The following CLUH variants were observed in gnomAD, a reference collection of about 807,000 sequenced individuals.
CLUH encodes CLUH binding protein of NUMT mRNA.
Under a neutral mutation model 139.3 loss-of-function variants are expected in CLUH, and 77 were observed. The observed-to-expected ratio is 0.55, with a 90% CI of 0.46 to 0.67. The LOEUF (loss-of-function observed/expected upper bound fraction) is 0.67. Ranked by LOEUF, CLUH falls within the 30% of genes least tolerant of loss-of-function variation. The probability of loss-of-function intolerance (pLI) is 0.00; values close to 1 mark genes in which losing one functional copy is unlikely to be tolerated. For synonymous variants in CLUH, 999 were observed against 801.6 expected, an observed-to-expected ratio of 1.25 and a Z score of -4.16; for missense variants, 1,876 against 1,875.8, an observed-to-expected ratio of 1.00 and a Z score of 0.00.
chr17:2,702,776 G>A (rs949841748), intron 3 of CLUH, among the ~76,000 whole-genome samples: 38 of 151,926 alleles, frequency 2.5e-4, no homozygotes, highest in African/African-American at 8.9e-4. Context: ...CACGCCCTGG[G>A]ATGGTACTGC....
At position 2,702,001 on chromosome 17, in the gene CLUH, T is replaced by C; in HGVS notation, c.532A>G (p.Lys178Glu). The C allele has an allele frequency of 6.2e-7, 1 of 1,613,986 alleles. No homozygotes were observed. The change falls in exon 4 of 26, where the codon AAG becomes GAG. Residue 178 changes from lysine to glutamate, a missense_variant. Coordinates refer to ENST00000651024, the MANE Select transcript of CLUH (RefSeq NM_001366661.1). ...IHVRHVRDLL[K>E]SLDPSDAFNG... ...AAGGCATCGGATGGGTCCAGGCTCTTGAGCAGGTCTCGGACATGGCGCACG... is the reference window on the plus strand; with the variant it reads ...AAGGCATCGGATGGGTCCAGGCTCTCGAGCAGGTCTCGGACATGGCGCACG...
rs2070299842 is a variant in CLUH at position 2,704,719 on chromosome 17, G to A, written c.101-155C>T. ...GTCGCGCCTCGCCCTCCGTGCACCT[G>A]CAGGCCACTTCCACACCCAGCCGCC... On this transcript the variant is annotated intron_variant, in intron 1 of 25. Coordinates refer to ENST00000651024, the MANE Select transcript of CLUH (RefSeq NM_001366661.1). The surrounding 1 kb of genome is among the most constrained non-coding windows in gnomAD (Gnocchi z 5.7). Among the ~76,000 whole-genome samples, 1 of 152,060 alleles carries A rather than the reference G, an allele frequency of 6.6e-6. No homozygotes were observed. Among genetic ancestry groups the A allele is most frequent in the Non-Finnish European group, 1.5e-5 (1 of 68,006 alleles).
Position 2,698,084 on chromosome 17 carries a change from G to T in CLUH, c.1773C>A (p.Gly591=). The T allele has an allele frequency of 6.2e-7, 1 of 1,606,106 alleles. No individual in the cohort carries two copies. ...VELCSSVECK[G]IIGNDGRHYI... ...AGTGGCGCCCGTCGTTGCCAATGATGCCCTTGCACTCGACCGAGGAGCAGA... is the reference window on the plus strand; with the variant it reads ...AGTGGCGCCCGTCGTTGCCAATGATTCCCTTGCACTCGACCGAGGAGCAGA... Residue 591 remains glycine, a synonymous_variant, in exon 10 of 26, where the codon GGC becomes GGA. Transcript: ENST00000651024.
chr17:2,701,322 C>G (rs927930471), intron 6 of CLUH, 44 bp downstream of exon 6: 2 of 1,605,798 alleles, frequency 1.2e-6, no homozygotes, highest in African/African-American at 2.7e-5. Context: ...AGACCCAGGA[C>G]GGCTGGCACG....
chr17:2,694,765 T>C, intron 16 of CLUH, 92 bp downstream of exon 16: 3 of 1,439,742 alleles, frequency 2.1e-6, no homozygotes, highest in Admixed American at 2.7e-5. Flanking sequence ...CCCTGGCCTA[T>C]GACCACAGGC....
intron 9 of CLUH, among the ~76,000 whole-genome samples, chr17:2,698,919 C>T (rs1486079698): frequency 2.0e-5 from 3 of 152,084 alleles, no homozygotes; most frequent in Non-Finnish European, 4.4e-5. Context: ...AGGTGGCGCG[C>T]GCCTGTAGTC....
At chr17:2,701,043 C>A in intron 7 of CLUH, 97 bp downstream of exon 7, 2 of 1,585,030 alleles carry the variant, frequency 1.3e-6, no homozygotes, top group East Asian at 2.2e-5. Flanking sequence ...GGGCCCAGGG[C>A]GGTTTCTTCA....
In CLUH at chr17:2,689,933, G is replaced by A. The variant is rs1052506599; in HGVS notation, c.*661C>T. 1 of 152,720 alleles carries A rather than the reference G, an allele frequency of 6.5e-6. No homozygotes were observed. The highest frequency in any genetic ancestry group is 2.4e-5 in the African/African-American group (1 of 41,424). 9.5% of individuals were successfully genotyped at this position (152,720 alleles called of 1,614,324 possible). On this transcript the variant is annotated 3_prime_UTR_variant, in exon 26 of 26. Coordinates refer to ENST00000651024, the MANE Select transcript of CLUH (RefSeq NM_001366661.1). The stretch of plus-strand genomic sequence containing the variant: ...GAGTCAGAGCCACCCACTGGGCTCT[G>A]AGGGCCCAGCAAGCCAACCCCGACC...
chr17:2,696,080 T>C (rs2069928940), intron 13 of CLUH, 79 bp downstream of exon 13: 2 of 1,189,462 alleles, frequency 1.7e-6, no homozygotes, highest in Admixed American at 2.1e-5. Context: ...CCTGTGTTCA[T>C]GGGCCTCCAA....
chr17:2,691,989 G>C lies in CLUH; in HGVS notation c.3654+15C>G. On this transcript the variant is annotated intron_variant, in intron 23 of 25. Coordinates refer to ENST00000651024, the MANE Select transcript of CLUH (RefSeq NM_001366661.1). ...CCCGCCCCGCCCCCGCCCCCGCCAC[G>C]CCCCCGCCGCGCACCTGCGTCTTGT... is the stretch of plus-strand genomic sequence containing the variant. 8 of 1,213,070 alleles carry C rather than the reference G, an allele frequency of 6.6e-6. No homozygotes were observed. The highest frequency in any genetic ancestry group is 7.6e-6 in the Non-Finnish European group (7 of 921,708). The allele number at this position is 1,213,070 out of a possible 1,614,324, so 75.1% of individuals were successfully genotyped here. A position where few individuals can be genotyped will look rare whatever the true frequency, so the allele number is the denominator to read the frequency against.
chr17:2,702,174 G>T, intron 3 of CLUH, 117 bp from the exon 4 acceptor site: 1 of 1,308,818 alleles, frequency 7.6e-7, no homozygotes. Flanking sequence ...TCAACTTTAG[G>T]TTTCCGTTTT....
At position 2,703,354 on chromosome 17, in the gene CLUH, C is replaced by T; in HGVS notation, c.439G>A (p.Gly147Arg). 4 of 1,612,872 alleles carry T rather than the reference C, an allele frequency of 2.5e-6. No homozygotes were observed. The highest frequency in any genetic ancestry group is 3.4e-6 in the Non-Finnish European group (4 of 1,179,566). The change falls in exon 3 of 26, where the codon GGG becomes AGG. Residue 147 changes from glycine (G) to arginine (R), a missense_variant. Gly to Arg is a moderately radical substitution (Grantham distance 125). Coordinates refer to ENST00000651024, the MANE Select transcript of CLUH (RefSeq NM_001366661.1). This position sits in a 1 kb window ranked among gnomAD's most constrained non-coding sequence, Gnocchi z 4.2. ...DHFSELRSVE[G>R]LQEGSVLRVV... Reference sequence around the variant, plus strand: ...CGCAGCACAGAGCCCTCCTGCAGCCCCTCGACGCTGCGCAGCTCCGAGAAG... The same window carrying T: ...CGCAGCACAGAGCCCTCCTGCAGCCTCTCGACGCTGCGCAGCTCCGAGAAG...
rs1386479253 is a variant in CLUH, at chr17:2,703,593, T to A, written c.304-104A>T. 2.6e-6 allele frequency: 3 copies of A among 1,138,294 alleles called. No individual in the cohort carries two copies. The African/African-American group carries it at 4.6e-5, about 17-fold the overall frequency. The allele number at this position is 1,138,294 out of a possible 1,614,324, so 70.5% of individuals were successfully genotyped here. On this transcript the variant is annotated intron_variant, in intron 2 of 25. Coordinates refer to ENST00000651024, the MANE Select transcript of CLUH (RefSeq NM_001366661.1). The surrounding 1 kb of genome is among the most constrained non-coding windows in gnomAD (Gnocchi z 4.2). ...GCCACGTAGCGGACAGCAAGGACAA[T>A]ATCCCCTTGTCCCCAGCCCAAAGTA...
intron 7 of CLUH, 141 bp from the exon 8 acceptor site, chr17:2,700,966 C>T (rs1026775740): frequency 4.9e-6 from 7 of 1,422,712 alleles, no homozygotes; most frequent in South Asian, 2.7e-5. Context: ...AGTGCACGGG[C>T]GCCTCTCCTG....
intron 1 of CLUH, among the ~76,000 whole-genome samples, chr17:2,709,877 C>A (rs2070459963): frequency 3.3e-5 from 5 of 152,150 alleles, no homozygotes; most frequent in Admixed American, 3.3e-4. Flanking sequence ...CGTAGGAGCC[C>A]ATGTCCTGCC....
In CLUH at chr17:2,703,188, A is replaced by T; in HGVS notation, c.475+130T>A. 2 of 965,842 alleles carry T rather than the reference A, an allele frequency of 2.1e-6. No individual in the cohort carries two copies. The highest frequency in any genetic ancestry group is 3.1e-6 in the Non-Finnish European group (2 of 654,342). 59.8% of individuals were successfully genotyped at this position (965,842 alleles called of 1,614,324 possible). A position where few individuals can be genotyped will look rare whatever the true frequency, so the allele number is the denominator to read the frequency against. ...GCAGATATAGGTGTGCTGGCCTGAG[A>T]AGCAGATCTGTGCTCCAATCCTGCC... is the stretch of plus-strand genomic sequence containing the variant. On this transcript the variant is annotated intron_variant, in intron 3 of 25. Coordinates refer to ENST00000651024, the MANE Select transcript of CLUH (RefSeq NM_001366661.1). This position sits in a 1 kb window ranked among gnomAD's most constrained non-coding sequence, Gnocchi z 4.2.
Position 2,700,734 on chromosome 17 carries a change from G to A in CLUH, c.1117C>T (p.Arg373Cys), listed in dbSNP as rs1316679421. The change falls in exon 8 of 26, where the codon CGT (arginine) becomes TGT (cysteine). Residue 373 changes from arginine to cysteine, a missense_variant. Transcript: ENST00000651024. The part of the protein sequence containing the change: ...PQAEHAMDCV[R>C]AEDAYTSRLG... ...CTCGAGGTGTAGGCGTCCTCTGCAC[G>A]CACGCAATCCATGGCATGCTCCGCC... The A allele has an allele frequency of 3.2e-6, 5 of 1,545,042 alleles. No homozygotes were observed. The highest frequency in any genetic ancestry group is 2.1e-5 in the Admixed American group (1 of 47,340).
rs756237494 is a variant in CLUH, at chr17:2,704,476, C to T, written c.189G>A (p.Gly63=). Reference sequence around the variant, plus strand: ...CATCTCCCGGGCCGGCCTCGTCAAGCCCATTTTCCCTGGGTGGCTCGGCCG... The same window carrying T: ...CATCTCCCGGGCCGGCCTCGTCAAGTCCATTTTCCCTGGGTGGCTCGGCCG... The part of the protein sequence containing the change: ...AAAAEPPREN[G]LDEAGPGDET... Residue 63 remains glycine, a synonymous_variant, in exon 2 of 26, where the codon GGG becomes GGA. Coordinates refer to ENST00000651024, the MANE Select transcript of CLUH (RefSeq NM_001366661.1). The surrounding 1 kb of genome is among the most constrained non-coding windows in gnomAD (Gnocchi z 5.7). 9 of 1,597,834 alleles carry T rather than the reference C, an allele frequency of 5.6e-6. No individual in the cohort carries two copies. The East Asian group carries it at 2.1e-4, about 36-fold the overall frequency.
At position 2,706,136 on chromosome 17, in the gene CLUH, G is replaced by A. The variant is rs989389767; in HGVS notation, c.101-1572C>T. Among the ~76,000 whole-genome samples the A allele has an allele frequency of 5.3e-5, 8 of 152,104 alleles. No individual in the cohort carries two copies. The highest frequency in any genetic ancestry group is 1.2e-4 in the Non-Finnish European group (8 of 68,012). ...CCCCTTCCCCACCCGGCTCTCAGGA[G>A]CGGGGACAGGTGCCTTTCCCAGAAC... On this transcript the variant is annotated intron_variant, in intron 1 of 25. Transcript: ENST00000651024. This position sits in a 1 kb window ranked among gnomAD's most constrained non-coding sequence, Gnocchi z 4.6.
Sources: gnomAD v4.1 joint callset for allele counts (sites outside exome capture counted in the v4.1 genomes callset) on GRCh38, gnomAD v4.1.1 for gene constraint, Gnocchi (gnomAD v3.1) non-coding constraint, MANE v1.5 for transcripts, NCBI Gene and HGNC (gene_info 2026-07-23, HGNC 2026-07-21) for gene names.